Variants in SATB1 observed in about 807,000 individuals in gnomAD.
SATB1 encodes the protein DNA-binding protein SATB1.
In SATB1, 11 loss-of-function variants were observed where a neutral mutation model predicts 86.9. That is an observed-to-expected ratio of 0.13 (90% CI 0.08 to 0.21). SATB1 has a LOEUF of 0.21. Among genes scored for constraint, SATB1 ranks in the 10% least tolerant of loss-of-function variants. The pLI is 1.00. For missense variants in SATB1, 551 were observed against 937.6 expected, an observed-to-expected ratio of 0.59 and a Z score of 5.39; for synonymous variants, 357 against 357.2, an observed-to-expected ratio of 1.00 and a Z score of 0.01.
intron 3 of SATB1, among the ~76,000 whole-genome samples, chr3:18,416,549 C>T (rs1440355935): frequency 6.6e-6 from 1 of 152,012 alleles, no homozygotes; most frequent in Admixed American, 6.6e-5. Context: ...ATAAAAGAAA[C>T]AGAACTAGAT....
chr3:18,418,061 G>A (rs940394813), intron 2 of SATB1, among the ~76,000 whole-genome samples: 1 of 152,108 alleles, frequency 6.6e-6, no homozygotes, highest in Non-Finnish European at 1.5e-5. Context: ...AACGGAAAAG[G>A]GTTAAAAGCA....
At chr3:18,373,229 G>A (rs979644350) in intron 9 of SATB1, among the ~76,000 whole-genome samples, 3 of 152,158 alleles carry the variant, frequency 2.0e-5, no homozygotes, top group African/African-American at 4.8e-5. Flanking sequence ...CCCACAGACC[G>A]CTACAAAAGG....
chr3:18,355,014 T>A (rs1694560663), intron 9 of SATB1, among the ~76,000 whole-genome samples: 3 of 152,254 alleles, frequency 2.0e-5, no homozygotes, highest in South Asian at 4.1e-4. Flanking sequence ...CTAAAAATAA[T>A]TTGATGAATT....
At chr3:18,383,495 A>G (rs1696162705) in intron 8 of SATB1, among the ~76,000 whole-genome samples, 1 of 152,188 alleles carries the variant, frequency 6.6e-6, no homozygotes, top group South Asian at 2.1e-4. Context: ...CTTTAGAAAG[A>G]AATCAGGTTT....
intron 5 of SATB1, among the ~76,000 whole-genome samples, chr3:18,412,160 A>G (rs1697880517): frequency 6.6e-6 from 1 of 152,038 alleles, no homozygotes; most frequent in African/African-American, 2.4e-5. Context: ...GCAAGTCAGG[A>G]CTTTCTTGTT....
upstream of SATB1, among the ~76,000 whole-genome samples, chr3:18,426,850 C>T (rs1698720550): frequency 6.6e-6 from 1 of 152,144 alleles, no homozygotes; most frequent in Non-Finnish European, 1.5e-5. The surrounding 1 kb of genome is among the most constrained non-coding windows in gnomAD (Gnocchi z 4.2). Context: ...GTTTACATTA[C>T]AAATCTAAAG....
intron 5 of SATB1, among the ~76,000 whole-genome samples, chr3:18,411,810 A>C (rs555325444): frequency 6.6e-6 from 1 of 152,220 alleles, no homozygotes; most frequent in South Asian, 2.1e-4. Flanking sequence ...CAAAGAATTT[A>C]ATAAATTAGT....
At chr3:18,357,627 T>C (rs1347490735) in intron 9 of SATB1, among the ~76,000 whole-genome samples, 3 of 148,560 alleles carry the variant, frequency 2.0e-5, no homozygotes, top group Non-Finnish European at 4.5e-5. Flanking sequence ...TGGGGGAAAA[T>C]GAGTTCTAAT....
At chr3:18,397,081 T>C (rs1696998432) in intron 6 of SATB1, 98 bp downstream of exon 6, 3 of 734,830 alleles carry the variant, frequency 4.1e-6, no homozygotes, top group Non-Finnish European at 7.5e-6. Context: ...GATCTCTAAT[T>C]GGGCAATCAA....
chr3:18,415,283 G>A (rs766826751), intron 4 of SATB1, 49 bp from the exon 5 acceptor site: 17 of 1,604,644 alleles, frequency 1.1e-5, no homozygotes, highest in South Asian at 8.8e-5. Context: ...ATTGCATCCC[G>A]CTGCAGAACA....
chr3:18,351,363 A>G lies in SATB1; in HGVS notation c.1779+629T>C, dbSNP rs1263776350. ...GCAGGGGTCGGCAGGCCTGGTAAGA[A>G]AACGCCTCTAGACTCTCCTTTCCCA... On this transcript the variant is annotated intron_variant, in intron 10 of 10. Transcript: ENST00000338745. The G allele has an allele frequency of 1.9e-6, 3 of 1,556,588 alleles. No individual in the cohort carries two copies. In the East Asian group the frequency reaches 7.0e-5, roughly 36 times the overall value.
At chr3:18,403,265 G>A (rs527569693) in intron 5 of SATB1, among the ~76,000 whole-genome samples, 3 of 152,130 alleles carry the variant, frequency 2.0e-5, no homozygotes, top group African/African-American at 7.2e-5. Flanking sequence ...TTGCTAAAGA[G>A]ATTTTTTTTT....
rs191338790 is a variant in SATB1 at position 18,349,741 on chromosome 3, G to A, written c.1780-59C>T. ...CTATCGTGGAGTTCCACACAAAGCC[G>A]TCTCCAATCAGGAAAAATGTGGTCC... On this transcript the variant is annotated intron_variant, in intron 10 of 10. Coordinates refer to ENST00000338745, the MANE Select transcript of SATB1 (RefSeq NM_002971.6). The surrounding 1 kb of genome is among the most constrained non-coding windows in gnomAD (Gnocchi z 5.5). The A allele has an allele frequency of 2.1e-4, 321 of 1,522,832 alleles. No individual in the cohort carries two copies. The East Asian group carries it at 4.6e-3, about 22-fold the overall frequency. 94.3% of individuals were successfully genotyped at this position (1,522,832 alleles called of 1,614,324 possible). A position where few individuals can be genotyped will look rare whatever the true frequency, so the allele number is the denominator to read the frequency against.
At position 18,347,353 on chromosome 3, in the gene SATB1, A is replaced by G. The variant is rs1218497933; in HGVS notation, c.*1817T>C. The G allele has an allele frequency of 6.6e-6, 1 of 152,188 alleles. No individual in the cohort carries two copies. The highest frequency in any genetic ancestry group is 1.5e-5 in the Non-Finnish European group (1 of 68,020). The allele number at this position is 152,188 out of a possible 1,614,324, so 9.4% of individuals were successfully genotyped here. On this transcript the variant is annotated 3_prime_UTR_variant, in exon 11 of 11. Coordinates refer to ENST00000338745, the MANE Select transcript of SATB1 (RefSeq NM_002971.6). ...ACCTCATTTTATATTCTGGCATTTTACTATGTTTAATGTTGCAAGAATTTT... is the reference window on the plus strand; with the variant it reads ...ACCTCATTTTATATTCTGGCATTTTGCTATGTTTAATGTTGCAAGAATTTT...
intron 5 of SATB1, among the ~76,000 whole-genome samples, chr3:18,400,387 T>C (rs1464085171): frequency 6.6e-6 from 1 of 152,200 alleles, no homozygotes; most frequent in African/African-American, 2.4e-5. Context: ...CAAGTGAGGA[T>C]GTGTCACACA....
rs1206011243 is a variant in SATB1, at chr3:18,349,276, T to G, written c.2186A>C (p.Glu729Ala). Reference protein sequence around the residue: ...YKEEELLKDLEESVQDKNTNT... With the variant: ...YKEEELLKDLAESVQDKNTNT... ...AGTATTTTTATCTTGGACACTCTCT[T>G]CCAAATCCTTCAGCAGCTCCTCTTC... Residue 729 changes from glutamate to alanine, a missense_variant, in exon 11 of 11, where the codon GAA becomes GCA. Coordinates refer to ENST00000338745, the MANE Select transcript of SATB1 (RefSeq NM_002971.6). This position sits in a 1 kb window ranked among gnomAD's most constrained non-coding sequence, Gnocchi z 5.5. 1 of 1,614,246 alleles carries G rather than the reference T, an allele frequency of 6.2e-7. No homozygotes were observed. The highest frequency in any genetic ancestry group is 1.3e-5 in the African/African-American group (1 of 75,064).
intron 2 of SATB1, among the ~76,000 whole-genome samples, chr3:18,420,458 C>T (rs1367849500): frequency 6.6e-6 from 1 of 152,128 alleles, no homozygotes; most frequent in Non-Finnish European, 1.5e-5. Flanking sequence ...CTACAATCCT[C>T]GACTACAACA....
intron 8 of SATB1, among the ~76,000 whole-genome samples, chr3:18,378,844 T>G (rs1695899272): frequency 6.6e-6 from 1 of 152,206 alleles, no homozygotes; most frequent in African/African-American, 2.4e-5. Context: ...ACAAAGCCAT[T>G]TGCAGAACTG....
intron 7 of SATB1, among the ~76,000 whole-genome samples, chr3:18,392,036 G>A (rs1023692362): frequency 1.3e-5 from 2 of 152,126 alleles, no homozygotes; most frequent in Non-Finnish European, 1.5e-5. Flanking sequence ...TACTTTGACT[G>A]AAGAGTATCA....
Sources: allele counts gnomAD v4.1 joint callset (sites outside exome capture counted in the v4.1 genomes callset), GRCh38; gene constraint gnomAD v4.1.1; non-coding constraint Gnocchi (gnomAD v3.1); transcripts MANE v1.5; gene names NCBI Gene and HGNC (gene_info 2026-07-23, HGNC 2026-07-21).